SKAP2: variants seen among roughly 807,000 people sequenced by gnomAD.
SKAP2 encodes the protein src kinase associated phosphoprotein 2.
A neutral mutation model predicts 54.9 loss-of-function variants in SKAP2; 28 were observed. The observed-to-expected ratio is 0.51, with a 90% CI of 0.38 to 0.70. SKAP2 has a LOEUF of 0.70. Among genes scored for constraint, SKAP2 ranks in the 30% least tolerant of loss-of-function variants. The pLI is 0.00. For synonymous variants in SKAP2, 137 were observed against 134.3 expected (o/e 1.02, Z -0.14); for missense variants, 356 against 424.1 (o/e 0.84, Z 1.41).
intron 4 of SKAP2, among the ~76,000 whole-genome samples, chr7:26,774,281 C>A (rs1783252550): frequency 6.6e-6 from 1 of 151,892 alleles, no homozygotes; most frequent in South Asian, 2.1e-4. Context: ...CCATTGCACT[C>A]CAGCCTGGGT....
intron 1 of SKAP2, among the ~76,000 whole-genome samples, chr7:26,859,002 A>C (rs182788071): frequency 6.2e-4 from 95 of 152,154 alleles, no homozygotes; most frequent in African/African-American, 2.2e-3. Context: ...GCATATACAC[A>C]CACTCAGCCT....
chr7:26,764,154 C>G (rs1157448319), intron 4 of SKAP2, among the ~76,000 whole-genome samples: 1 of 152,076 alleles, frequency 6.6e-6, no homozygotes, highest in Non-Finnish European at 1.5e-5. Context: ...GATTCTTTCC[C>G]AGGTAGTCTG....
At chr7:26,850,524 T>C (rs1308398958) in intron 3 of SKAP2, among the ~76,000 whole-genome samples, 1 of 150,266 alleles carries the variant, frequency 6.7e-6, no homozygotes, top group African/African-American at 2.5e-5. Flanking sequence ...AGGCTGAGGC[T>C]GCAGTGAGTC....
intron 4 of SKAP2, among the ~76,000 whole-genome samples, chr7:26,825,524 C>T (rs1784471305): frequency 6.7e-6 from 1 of 149,694 alleles, no homozygotes. Flanking sequence ...AGTTAATCCT[C>T]TCTTCTCATA....
intron 10 of SKAP2, among the ~76,000 whole-genome samples, chr7:26,687,102 A>C (rs767356394): frequency 1.3e-5 from 2 of 151,606 alleles, no homozygotes; most frequent in Non-Finnish European, 2.9e-5. Flanking sequence ...GAAGGAAAAG[A>C]AAAGTATATG....
intron 9 of SKAP2, among the ~76,000 whole-genome samples, chr7:26,715,997 A>T (rs1046543877): frequency 6.6e-6 from 1 of 152,194 alleles, no homozygotes; most frequent in African/African-American, 2.4e-5. Flanking sequence ...ATTTAATTGT[A>T]GTTAAAGACC....
chr7:26,663,025 G>T (rs1214389018), downstream of SKAP2, among the ~76,000 whole-genome samples: 1 of 152,112 alleles, frequency 6.6e-6, no homozygotes, highest in Non-Finnish European at 1.5e-5. Flanking sequence ...GGGTATCCTA[G>T]ATGGGACAGG....
chr7:26,835,839 T>C (rs1022547332), intron 4 of SKAP2, among the ~76,000 whole-genome samples: 6 of 152,160 alleles, frequency 3.9e-5, no homozygotes, highest in Admixed American at 2.6e-4. Flanking sequence ...TAGAAAAAAC[T>C]ACTTTAAATT....
intron 6 of SKAP2, among the ~76,000 whole-genome samples, chr7:26,728,979 T>C (rs1787767495): frequency 6.6e-6 from 1 of 151,926 alleles, no homozygotes; most frequent in Non-Finnish European, 1.5e-5. Flanking sequence ...TGGAAATGCA[T>C]GAGGAGTGGG....
chr7:26,826,879 G>A (rs780547236), intron 4 of SKAP2, among the ~76,000 whole-genome samples: 2 of 151,884 alleles, frequency 1.3e-5, no homozygotes, highest in East Asian at 1.9e-4. Flanking sequence ...TGCCTAAAAC[G>A]TACACTATTA....
intron 11 of SKAP2, among the ~76,000 whole-genome samples, chr7:26,674,563 C>T (rs7786308): frequency 0.082 from 12,404 of 152,120 alleles, 592 homozygotes; most frequent in Middle Eastern, 0.17. Context: ...ATCTTAGATT[C>T]CTAACCTGTT....
intron 4 of SKAP2, among the ~76,000 whole-genome samples, chr7:26,804,485 A>G (rs1163604229): frequency 6.6e-6 from 1 of 152,152 alleles, no homozygotes; most frequent in African/African-American, 2.4e-5. Flanking sequence ...TCAGGCCCGT[A>G]ATCCCAGCAC....
chr7:26,754,370 AC>A, intron 4 of SKAP2, among the ~76,000 whole-genome samples: 1 of 147,136 alleles, frequency 6.8e-6, no homozygotes, highest in African/African-American at 2.6e-5. Flanking sequence ...TCACACACAC[AC>A]ACACACACAC....
intron 4 of SKAP2, among the ~76,000 whole-genome samples, chr7:26,813,529 T>C: frequency 6.6e-6 from 1 of 152,228 alleles, no homozygotes; most frequent in East Asian, 1.9e-4. Context: ...GGACTATGGG[T>C]TGTGCAAATG....
At chr7:26,676,555 T>G (rs1786353601) in intron 11 of SKAP2, among the ~76,000 whole-genome samples, 1 of 152,212 alleles carries the variant, frequency 6.6e-6, no homozygotes, top group South Asian at 2.1e-4. Flanking sequence ...GGGCTAGCAC[T>G]AAGGTCCCCC....
At chr7:26,733,826 T>C (rs915759718) in intron 6 of SKAP2, among the ~76,000 whole-genome samples, 1 of 152,186 alleles carries the variant, frequency 6.6e-6, no homozygotes. Context: ...TGAATGACTT[T>C]GTAGATCAGG....
At chr7:26,750,259 T>A (rs906471644) in intron 4 of SKAP2, among the ~76,000 whole-genome samples, 2 of 151,030 alleles carry the variant, frequency 1.3e-5, no homozygotes, top group Non-Finnish European at 2.9e-5. Context: ...TATTTTAATA[T>A]ACCATATATA....
intron 9 of SKAP2, among the ~76,000 whole-genome samples, chr7:26,718,646 C>T (rs1428364430): frequency 6.6e-6 from 1 of 152,064 alleles, no homozygotes; most frequent in African/African-American, 2.4e-5. Context: ...GCCGGGACTA[C>T]AGGCACGTGC....
At chr7:26,812,594 G>A (rs895920806) in intron 4 of SKAP2, among the ~76,000 whole-genome samples, 7 of 151,986 alleles carry the variant, frequency 4.6e-5, no homozygotes, top group Non-Finnish European at 1.0e-4. Context: ...CATGAATTAC[G>A]TCGACAAAAT....
Sources: gnomAD v4.1 joint callset for allele counts (sites outside exome capture counted in the v4.1 genomes callset) on GRCh38, gnomAD v4.1.1 for gene constraint, MANE v1.5 for transcripts, NCBI Gene and HGNC (gene_info 2026-07-23, HGNC 2026-07-21) for gene names.